The following HAO1 variants were observed in gnomAD, a reference collection of about 807,000 sequenced individuals.
The protein encoded by HAO1 is 2-Hydroxyacid oxidase 1.
A neutral mutation model predicts 39.7 loss-of-function variants in HAO1; 34 were observed. The observed-to-expected ratio is 0.86, with a 90% CI of 0.65 to 1.14. The LOEUF (loss-of-function observed/expected upper bound fraction) is 1.14. Ranked by LOEUF, HAO1 falls within the 50% of genes most tolerant of loss-of-function variation. The pLI, the probability that HAO1 is intolerant of heterozygous loss-of-function variation, is 0.00. For missense variants in HAO1, 479 were observed against 464.5 expected (o/e 1.03, Z -0.29); for synonymous variants, 172 against 173.2 (o/e 0.99, Z 0.05).
chr20:7,895,241 A>G lies in HAO1; in HGVS notation c.722-17T>C. 6.5e-7 allele frequency: 1 copy of G among 1,533,652 alleles called. No individual in the cohort carries two copies. The highest frequency in any genetic ancestry group is 9.0e-7 in the Non-Finnish European group (1 of 1,106,694). On this transcript the variant is annotated splice_polypyrimidine_tract_variant and intron_variant, in intron 4 of 7. Transcript: ENST00000378789. ...CATCATCACCTGGAGAGAGTAAAAC[A>G]AGCACCTTAGGGAAACTGTAACTTA... is the stretch of plus-strand genomic sequence containing the variant.
chr20:7,909,224 T>G (rs1215804101), intron 3 of HAO1, among the ~76,000 whole-genome samples: 1 of 151,846 alleles, frequency 6.6e-6, no homozygotes, highest in East Asian at 1.9e-4. Flanking sequence ...GAAGCCTTGT[T>G]GTTACTCTGA....
intron 2 of HAO1, among the ~76,000 whole-genome samples, chr20:7,923,034 G>A (rs1263972702): frequency 6.6e-6 from 1 of 152,052 alleles, no homozygotes; most frequent in Non-Finnish European, 1.5e-5. Context: ...AATGCCACAA[G>A]GGTCTGCAAT....
At chr20:7,914,503 C>T in intron 2 of HAO1, 84 bp from the exon 3 acceptor site, 2 of 1,453,908 alleles carry the variant, frequency 1.4e-6, no homozygotes, top group East Asian at 2.3e-5. Flanking sequence ...TGAGTAAAGA[C>T]ATCTAGAAGG....
intron 2 of HAO1, among the ~76,000 whole-genome samples, chr20:7,933,584 T>C (rs1391359076): frequency 3.3e-5 from 5 of 152,228 alleles, no homozygotes; most frequent in African/African-American, 4.8e-5. Context: ...CATTCTGATA[T>C]CCCTGACAGA....
At chr20:7,905,576 C>T (rs1042913045) in intron 4 of HAO1, among the ~76,000 whole-genome samples, 1 of 152,144 alleles carries the variant, frequency 6.6e-6, no homozygotes, top group African/African-American at 2.4e-5. Context: ...CCTGTGGGAT[C>T]TGAATACATG....
intron 5 of HAO1, among the ~76,000 whole-genome samples, chr20:7,890,459 C>T (rs1445723545): frequency 6.6e-6 from 1 of 152,128 alleles, no homozygotes; most frequent in African/African-American, 2.4e-5. Flanking sequence ...GGTGATCTGC[C>T]CGTCTTGGCC....
chr20:7,897,486 G>T (rs1600108056), intron 4 of HAO1, among the ~76,000 whole-genome samples: 1 of 151,600 alleles, frequency 6.6e-6, no homozygotes, highest in Admixed American at 6.6e-5. Context: ...TCTCATTGTT[G>T]TTTTACCCTT....
chr20:7,914,040 G>A (rs993471220), intron 3 of HAO1, 124 bp downstream of exon 3: 18 of 1,001,062 alleles, frequency 1.8e-5, no homozygotes, highest in African/African-American at 1.6e-4. Context: ...GTCTACAAAA[G>A]GGATGTGATT....
chr20:7,916,392 A>G (rs1462476675), intron 2 of HAO1, among the ~76,000 whole-genome samples: 1 of 152,206 alleles, frequency 6.6e-6, no homozygotes, highest in Non-Finnish European at 1.5e-5. Flanking sequence ...ACTTGTCCAA[A>G]TGACACTCAC....
At chr20:7,938,421 G>A (rs2050423800) in intron 1 of HAO1, among the ~76,000 whole-genome samples, 1 of 151,912 alleles carries the variant, frequency 6.6e-6, no homozygotes, top group African/African-American at 2.4e-5. Context: ...GAATGATCAA[G>A]GTTCATGGAA....
At position 7,885,260 on chromosome 20, in the gene HAO1, G is replaced by A. The variant is rs116885670; in HGVS notation, c.1042+261C>T. Among the ~76,000 whole-genome samples, 1,223 of 152,160 alleles carry A rather than the reference G, an allele frequency of 8.0e-3. 17 individuals carry two copies. Among genetic ancestry groups the A allele is most frequent in the Non-Finnish European group, 0.011 (779 of 68,010 alleles). ...ATGTGTTCATGTGTTATGAGATGAG[G>A]AAGAATATGATGTTACAACCACCTC... On this transcript the variant is annotated intron_variant, in intron 7 of 7. Coordinates refer to ENST00000378789, the MANE Select transcript of HAO1 (RefSeq NM_017545.3).
chr20:7,932,169 G>A (rs1425567143), intron 2 of HAO1, among the ~76,000 whole-genome samples: 2 of 152,118 alleles, frequency 1.3e-5, no homozygotes, highest in East Asian at 1.9e-4. Context: ...GAAGAAGGTC[G>A]TTCCTTCCCC....
At chr20:7,919,474 G>T (rs1416409497) in intron 2 of HAO1, among the ~76,000 whole-genome samples, 3 of 152,052 alleles carry the variant, frequency 2.0e-5, no homozygotes, top group Admixed American at 6.6e-5. Flanking sequence ...CACTGGCCAG[G>T]TCTCAGGTAT....
chr20:7,939,497 C>G (rs1010119790), intron 1 of HAO1, among the ~76,000 whole-genome samples: 4 of 152,116 alleles, frequency 2.6e-5, no homozygotes, highest in Non-Finnish European at 5.9e-5. Context: ...TCAATGAGTA[C>G]CCACAATACC....
At chr20:7,906,865 A>G (rs923271594) in intron 3 of HAO1, among the ~76,000 whole-genome samples, 1 of 152,260 alleles carries the variant, frequency 6.6e-6, no homozygotes, top group African/African-American at 2.4e-5. Context: ...ACTAGCTAAT[A>G]GCAGTATTTG....
chr20:7,924,272 A>G (rs2050349256), intron 2 of HAO1, among the ~76,000 whole-genome samples: 1 of 151,888 alleles, frequency 6.6e-6, no homozygotes, highest in Admixed American at 6.6e-5. Context: ...AGCTTCCTAG[A>G]TCTCAGATCA....
rs149484821 is a variant in HAO1, at chr20:7,925,903, C to A, written c.289+8581G>T. Among the ~76,000 whole-genome samples, 6 of 152,188 alleles carry A rather than the reference C, an allele frequency of 3.9e-5. No individual in the cohort carries two copies. The East Asian group carries it at 7.7e-4, about 20-fold the overall frequency. ...ATTTTTTAATAGGTGTTTTAATCAA[C>A]AATCTTGTTTCATTGCAAAGTGATT... On this transcript the variant is annotated intron_variant, in intron 2 of 7. Transcript: ENST00000378789.
chr20:7,884,888 G>T (rs997806429), intron 7 of HAO1, among the ~76,000 whole-genome samples: 2 of 152,168 alleles, frequency 1.3e-5, no homozygotes, highest in African/African-American at 4.8e-5. Flanking sequence ...CTGGGAGAGG[G>T]GAGATAGGTG....
rs71183082 is a variant in HAO1 at position 7,936,503 on chromosome 20, C to CGTGTGTGTGTGTGTGTGTGTGTGTGT, written c.138-1894_138-1869dup. 5.6e-3 allele frequency among the ~76,000 whole-genome samples: 610 copies of CGTGTGTGTGTGTGTGTGTGTGTGTGT among 109,102 alleles called. 13 individuals carry two copies. Among genetic ancestry groups the CGTGTGTGTGTGTGTGTGTGTGTGTGT allele is most frequent in the East Asian group, 8.2e-3 (29 of 3,524 alleles). 71.6% of individuals were successfully genotyped at this position (109,102 alleles called of 152,430 possible). On this transcript the variant is annotated intron_variant, in intron 1 of 7. Transcript: ENST00000378789. ...ACAAGCAAATCTGCAGGGCAGCAGCCGTGTGTGTGTGTGTGTGTGTGTGTG... is the reference window on the plus strand; with the variant it reads ...ACAAGCAAATCTGCAGGGCAGCAGCCGTGTGTGTGTGTGTGTGTGTGTGTGTGTGTGTGTGTGTGTGTGTGTGTGTG...
Sources: allele counts gnomAD v4.1 joint callset (sites outside exome capture counted in the v4.1 genomes callset), GRCh38; gene constraint gnomAD v4.1.1; transcripts MANE v1.5; gene names NCBI Gene and HGNC (gene_info 2026-07-23, HGNC 2026-07-21).